The following LRRC37A variants were observed in gnomAD, a reference collection of about 807,000 sequenced individuals.
LRRC37A encodes the protein leucine-rich repeat-containing protein 37A.
Under a neutral mutation model 35.4 loss-of-function variants are expected in LRRC37A, and 3 were observed. The ratio of observed to expected loss-of-function variants is 0.08; its 90% confidence interval spans 0.04 to 0.22. The LOEUF (loss-of-function observed/expected upper bound fraction) is 0.22, where lower values mean the gene tolerates loss of function less well. Ranked by LOEUF, LRRC37A falls within the 10% of genes least tolerant of loss-of-function variation. The pLI is 1.00. For missense variants in LRRC37A, 67 were observed against 565.3 expected, an observed-to-expected ratio of 0.12 and a Z score of 8.94; for synonymous variants, 23 against 215.0, an observed-to-expected ratio of 0.11 and a Z score of 7.81.
chr17:46,266,336 C>G, the LRRC37A span, among the ~76,000 whole-genome samples: 1 of 152,196 alleles, frequency 6.6e-6, no homozygotes, highest in Non-Finnish European at 1.5e-5. Flanking sequence ...CAAACGCACA[C>G]GAGTTTAAAG....
the LRRC37A span, chr17:46,260,207 C>T: frequency 6.5e-7 from 1 of 1,532,296 alleles, no homozygotes; most frequent in South Asian, 1.2e-5. Flanking sequence ...ACGCTCAGCT[C>T]ACACTTCCCG....
At chr17:46,281,283 A>G in the LRRC37A span, among the ~76,000 whole-genome samples, 14 of 151,530 alleles carry the variant, frequency 9.2e-5, no homozygotes, top group African/African-American at 3.4e-4. Context: ...AATTCCCTGT[A>G]TCTGGCACAC....
chr17:46,276,859 A>G, the LRRC37A span, among the ~76,000 whole-genome samples: 1 of 144,482 alleles, frequency 6.9e-6, no homozygotes, highest in African/African-American at 2.6e-5. Context: ...TCTGGAGTGC[A>G]GTGGCACAAT....
chr17:46,276,028 T>C, the LRRC37A span, among the ~76,000 whole-genome samples: 1 of 152,124 alleles, frequency 6.6e-6, no homozygotes, highest in African/African-American at 2.4e-5. Context: ...GTAGCTGGGA[T>C]TACAGGTGCC....
At chr17:46,251,566 G>A in the LRRC37A span, among the ~76,000 whole-genome samples, 17 of 150,196 alleles carry the variant, frequency 1.1e-4, no homozygotes, top group Admixed American at 1.3e-4. Flanking sequence ...CCTGCTTAAC[G>A]TCTTAAAACA....
At chr17:46,288,065 G>A (rs536822809), upstream of LRRC37A, among the ~76,000 whole-genome samples, 63 of 152,316 alleles carry the variant, frequency 4.1e-4, no homozygotes, top group African/African-American at 1.4e-3. Flanking sequence ...TCACCTAGAG[G>A]AATGGAAGTC....
the LRRC37A span, among the ~76,000 whole-genome samples, chr17:46,262,299 C>G: frequency 0.13 from 19,397 of 151,970 alleles, no homozygotes; most frequent in Middle Eastern, 0.2. Flanking sequence ...CTCCCAAAGT[C>G]CTGGCATTAT....
the LRRC37A span, among the ~76,000 whole-genome samples, chr17:46,282,229 A>G: frequency 8.5e-5 from 13 of 152,056 alleles, no homozygotes; most frequent in Non-Finnish European, 1.5e-4. Context: ...CAGCCTCCCG[A>G]GTAGCTGGGA....
chr17:46,284,758 T>C, the LRRC37A span, among the ~76,000 whole-genome samples: 1 of 152,256 alleles, frequency 6.6e-6, no homozygotes, highest in Non-Finnish European at 1.5e-5. Context: ...GATGTGATGT[T>C]AGATAACATT....
the LRRC37A span, among the ~76,000 whole-genome samples, chr17:46,259,361 A>C: frequency 6.6e-6 from 1 of 152,194 alleles, no homozygotes; most frequent in Admixed American, 6.5e-5. Flanking sequence ...CCCTCACCAC[A>C]ACTTAAGCCA....
At chr17:46,278,954 C>T in the LRRC37A span, among the ~76,000 whole-genome samples, 18,574 of 148,902 alleles carry the variant, frequency 0.12, 3 homozygotes, top group Middle Eastern at 0.19. Flanking sequence ...CCTGCCACCA[C>T]GCCTAGCTAA....
the LRRC37A span, among the ~76,000 whole-genome samples, chr17:46,281,753 C>T: frequency 6.6e-6 from 1 of 151,964 alleles, no homozygotes; most frequent in African/African-American, 2.4e-5. Context: ...AAGCAATTCT[C>T]GTGCCTCAGC....
chr17:46,285,815 T>C, the LRRC37A span, among the ~76,000 whole-genome samples: 2,610 of 126,694 alleles, frequency 0.021, no homozygotes, highest in Non-Finnish European at 0.034. Flanking sequence ...AATCCTAACA[T>C]TGGAAACTTG....
At chr17:46,285,909 C>G in the LRRC37A span, among the ~76,000 whole-genome samples, 1 of 152,228 alleles carries the variant, frequency 6.6e-6, no homozygotes, top group South Asian at 2.1e-4. Context: ...CTGTAAGGAA[C>G]GGAGCACCCT....
At chr17:46,268,751 G>A in the LRRC37A span, 1 of 1,246,212 alleles carries the variant, frequency 8.0e-7, no homozygotes, top group Non-Finnish European at 1.1e-6. Context: ...GACATGAAAG[G>A]TCTATCTTCA....
the LRRC37A span, among the ~76,000 whole-genome samples, chr17:46,262,497 G>C: frequency 1.3e-5 from 2 of 152,356 alleles, no homozygotes; most frequent in African/African-American, 4.8e-5. Context: ...AAGGGCGTGA[G>C]CCACTGCGCC....
the LRRC37A span, chr17:46,259,495 C>A: frequency 1.3e-6 from 2 of 1,583,182 alleles, no homozygotes; most frequent in South Asian, 2.2e-5. Context: ...TGGGTTGGGG[C>A]CTGATACAGG....
the LRRC37A span, among the ~76,000 whole-genome samples, chr17:46,271,171 T>TC: frequency 3.3e-5 from 5 of 150,532 alleles, no homozygotes; most frequent in Admixed American, 1.3e-4. Flanking sequence ...TTTCTTTTTT[T>TC]TTTTTTTTTT....
rs573223090 is a variant in LRRC37A at position 46,325,464 on chromosome 17, T to C, written c.3053+2437T>C. ...TGTATTGAAAAATTATTCTCAAGTA[T>C]ACCTCAGGTCATTTACAGTCTCAAA... On this transcript the variant is annotated intron_variant, in intron 7 of 13. Coordinates refer to ENST00000320254, the Ensembl canonical transcript of LRRC37A. Among the ~76,000 whole-genome samples, 71 of 79,506 alleles carry C rather than the reference T, an allele frequency of 8.9e-4. 20 individuals carry two copies. The highest frequency in any genetic ancestry group is 2.1e-3 in the African/African-American group (67 of 31,228). The allele number at this position is 79,506 out of a possible 152,430, so 52.2% of individuals were successfully genotyped here.
Sources: gnomAD v4.1 joint callset for allele counts (sites outside exome capture counted in the v4.1 genomes callset) on GRCh38, gnomAD v4.1.1 for gene constraint, MANE v1.5 for transcripts, NCBI Gene and HGNC (gene_info 2026-07-23, HGNC 2026-07-21) for gene names.